The following EFHC1 variants were observed in gnomAD, a reference collection of about 807,000 sequenced individuals.
EFHC1 encodes EF-hand domain-containing protein 1.
In EFHC1, 53 loss-of-function variants were observed where a neutral mutation model predicts 69.9. That is an observed-to-expected ratio of 0.76 (90% CI 0.61 to 0.95). EFHC1 has a LOEUF of 0.95. EFHC1 is among the 40% of genes least tolerant of loss of function. The pLI is 0.00. For synonymous variants in EFHC1, 256 were observed against 278.4 expected (o/e 0.92, Z 0.80); for missense variants, 739 against 798.7 (o/e 0.93, Z 0.90).
chr6:52,456,936 G>C (rs555908387), intron 5 of EFHC1, among the ~76,000 whole-genome samples: 2 of 152,126 alleles, frequency 1.3e-5, no homozygotes, highest in South Asian at 4.1e-4. Context: ...AAAGGTATCA[G>C]TCATGAGGTA....
chr6:52,469,959 A>G (rs1765397990), intron 7 of EFHC1, among the ~76,000 whole-genome samples: 1 of 152,222 alleles, frequency 6.6e-6, no homozygotes, highest in Admixed American at 6.5e-5. Flanking sequence ...CAAATTCTGC[A>G]TATCCCATTA....
At chr6:52,424,896 A>C (rs1435804464) in intron 2 of EFHC1, among the ~76,000 whole-genome samples, 1 of 152,208 alleles carries the variant, frequency 6.6e-6, no homozygotes, top group African/African-American at 2.4e-5. Context: ...CTTTATGTGT[A>C]ACTGGTTCTG....
In EFHC1 at chr6:52,494,695, C is replaced by T. The variant is rs558533202; in HGVS notation, c.*2354C>T. 143 of 454,100 alleles carry T rather than the reference C, an allele frequency of 3.1e-4. No homozygotes were observed. The highest frequency in any genetic ancestry group is 5.1e-4 in the Non-Finnish European group (116 of 226,796). 28.1% of individuals were successfully genotyped at this position (454,100 alleles called of 1,614,324 possible). A position where few individuals can be genotyped will look rare whatever the true frequency, so the allele number is the denominator to read the frequency against. On this transcript the variant is annotated 3_prime_UTR_variant, in exon 11 of 11. Coordinates refer to ENST00000371068, the MANE Select transcript of EFHC1 (RefSeq NM_018100.4). ...GTAGTTTTTCCACACATACCCCCTC[C>T]TTCCCTTCCCACTCTGGTAGTCCCC...
rs567484420 is a variant in EFHC1, at chr6:52,454,154, C to T, written c.783C>T (p.Thr261=). 3 of 1,614,028 alleles carry T rather than the reference C, an allele frequency of 1.9e-6. No homozygotes were observed. Among genetic ancestry groups the T allele is most frequent in the East Asian group, 4.5e-5 (2 of 44,876 alleles). ...DTDSMYGECR[T]YIIHYYLMDD... The stretch of plus-strand genomic sequence containing the variant: ...ACAGCATGTATGGTGAATGTCGGAC[C>T]TACATCATTCATTACTATCTTATGG... Residue 261 remains threonine, a synonymous_variant, in exon 5 of 11, where the codon ACC becomes ACT. Transcript: ENST00000371068.
chr6:52,440,649 C>T (rs889718284), intron 3 of EFHC1, among the ~76,000 whole-genome samples: 1 of 151,916 alleles, frequency 6.6e-6, no homozygotes, highest in Non-Finnish European at 1.5e-5. Context: ...GGGTATATAC[C>T]CAATAATGAG....
chr6:52,438,369 C>T lies in EFHC1; in HGVS notation c.351C>T (p.Ile117=), dbSNP rs760730507. ...TGTCAACTGAGGAACAGTATAGGAT[C>T]CGTCAGGTGAACATTTACTATTATC... ...VPMSTEEQYR[I]RQVNIYYYLE... Residue 117 remains isoleucine, a synonymous_variant, in exon 3 of 11, where the codon ATC becomes ATT. Transcript: ENST00000371068. The T allele has an allele frequency of 1.9e-6, 3 of 1,613,766 alleles. No individual in the cohort carries two copies. Among genetic ancestry groups the T allele is most frequent in the Non-Finnish European group, 2.5e-6 (3 of 1,179,940 alleles).
At chr6:52,453,760 AAT>A in intron 4 of EFHC1, 4 of 1,244,626 alleles carry the variant, frequency 3.2e-6, no homozygotes, top group South Asian at 1.4e-5. Flanking sequence ...TACCTTTATT[AAT>A]ATATATATAC....
intron 5 of EFHC1, among the ~76,000 whole-genome samples, chr6:52,461,495 T>C (rs1438033645): frequency 6.6e-6 from 1 of 152,196 alleles, no homozygotes; most frequent in East Asian, 1.9e-4. Flanking sequence ...GTTGATTCTA[T>C]GTCTTTGCTA....
At chr6:52,439,116 A>G (rs1764601706) in intron 3 of EFHC1, among the ~76,000 whole-genome samples, 1 of 152,182 alleles carries the variant, frequency 6.6e-6, no homozygotes, top group African/African-American at 2.4e-5. Flanking sequence ...ATATGTAAAA[A>G]GTCCTCTATT....
intron 3 of EFHC1, among the ~76,000 whole-genome samples, chr6:52,452,120 C>G (rs915069871): frequency 6.6e-6 from 1 of 152,102 alleles, no homozygotes; most frequent in African/African-American, 2.4e-5. Flanking sequence ...GCCATTGTGC[C>G]TCCCAACTAG....
intron 1 of EFHC1, among the ~76,000 whole-genome samples, chr6:52,422,142 A>G (rs1274021360): frequency 1.3e-5 from 2 of 152,180 alleles, no homozygotes. Context: ...AAACGATTTT[A>G]AAAAAAGACA....
Position 52,492,339 on chromosome 6 carries a change from T to C in EFHC1, c.1921T>C (p.Ter641ArgextTer11). Residue 641 changes from the stop codon to arginine, a stop_lost, in exon 11 of 11, where the codon TGA (stop) becomes CGA (arginine). Transcript: ENST00000371068. ...TAACTTTGTTCGTGCTTTCTCAAACTGACCTGCTGATGAGAAAATGCAAGA... is the reference window on the plus strand; with the variant it reads ...TAACTTTGTTCGTGCTTTCTCAAACCGACCTGCTGATGAGAAAATGCAAGA... Reference protein sequence around the residue: ...YYNFVRAFSN* With the variant: ...YYNFVRAFSNR The C allele has an allele frequency of 6.2e-7, 1 of 1,613,768 alleles. No homozygotes were observed. The highest frequency in any genetic ancestry group is 2.2e-5 in the East Asian group (1 of 44,882).
intron 5 of EFHC1, among the ~76,000 whole-genome samples, chr6:52,461,732 A>G (rs1765171884): frequency 6.6e-6 from 1 of 152,224 alleles, no homozygotes; most frequent in Non-Finnish European, 1.5e-5. Context: ...ATATAGGCAA[A>G]TATCTTTAAA....
chr6:52,495,827 A>ACTT lies in EFHC1; in HGVS notation c.*3487_*3489dup, dbSNP rs1427120335. The ACTT allele has an allele frequency of 1.1e-5, 4 of 348,452 alleles. No individual in the cohort carries two copies. In the East Asian group the frequency reaches 3.0e-4, roughly 26 times the overall value. 21.6% of individuals were successfully genotyped at this position (348,452 alleles called of 1,614,324 possible). A position where few individuals can be genotyped will look rare whatever the true frequency, so the allele number is the denominator to read the frequency against. On this transcript the variant is annotated 3_prime_UTR_variant, in exon 11 of 11. Coordinates refer to ENST00000371068, the MANE Select transcript of EFHC1 (RefSeq NM_018100.4). ...TTGCCTTGCATCTCCTTTTAAGTTT[A>ACTT]CTTAAGACTGAGAAGCTGAGATCTG...
chr6:52,458,511 C>T lies in EFHC1; in HGVS notation c.916+4224C>T, dbSNP rs1765093215. Among the ~76,000 whole-genome samples the T allele has an allele frequency of 7.2e-5, 11 of 152,268 alleles. 1 individual carries two copies. In the South Asian group the frequency reaches 2.3e-3, roughly 32 times the overall value. On this transcript the variant is annotated intron_variant, in intron 5 of 10. Coordinates refer to ENST00000371068, the MANE Select transcript of EFHC1 (RefSeq NM_018100.4). ...GCAAAGGACATGAACAGACACTTCTCAAAAGAAAACATACAAATGGACAAC... is the reference window on the plus strand; with the variant it reads ...GCAAAGGACATGAACAGACACTTCTTAAAAGAAAACATACAAATGGACAAC...
intron 3 of EFHC1, among the ~76,000 whole-genome samples, chr6:52,451,143 A>G (rs1345827103): frequency 2.0e-5 from 3 of 151,998 alleles, no homozygotes; most frequent in African/African-American, 7.2e-5. Context: ...TATAATTAAG[A>G]TTAGTGTTGA....
At chr6:52,446,342 C>G (rs906742662) in intron 3 of EFHC1, among the ~76,000 whole-genome samples, 18 of 152,026 alleles carry the variant, frequency 1.2e-4, no homozygotes, top group Admixed American at 8.5e-4. Context: ...TTTGATCTTT[C>G]TTGGTTTAAA....
At chr6:52,488,333 G>A (rs866231054) in intron 9 of EFHC1, 28 of 152,080 alleles carry the variant, frequency 1.8e-4, no homozygotes, top group African/African-American at 6.8e-4. Flanking sequence ...TTAGATATTG[G>A]GGATTATTAC....
At chr6:52,457,749 G>A (rs1765075174) in intron 5 of EFHC1, among the ~76,000 whole-genome samples, 1 of 152,156 alleles carries the variant, frequency 6.6e-6, no homozygotes, top group Non-Finnish European at 1.5e-5. Context: ...AAATATGTTA[G>A]TTATCCTTCA....
Sources: allele counts gnomAD v4.1 joint callset (sites outside exome capture counted in the v4.1 genomes callset), GRCh38; gene constraint gnomAD v4.1.1; transcripts MANE v1.5; gene names NCBI Gene and HGNC (gene_info 2026-07-23, HGNC 2026-07-21).